The following PDE1A variants were observed in gnomAD, a reference collection of about 807,000 sequenced individuals.
PDE1A encodes the protein phosphodiesterase 1A, also known as dual specificity calcium/calmodulin-dependent 3',5'-cyclic nucleotide phosphodiesterase 1A.
Under a neutral mutation model 61.7 loss-of-function variants are expected in PDE1A, and 35 were observed. The observed-to-expected ratio is 0.57, with a 90% CI of 0.43 to 0.75. The LOEUF is 0.75. Ranked by LOEUF, PDE1A falls within the 30% of genes least tolerant of loss-of-function variation. The probability of loss-of-function intolerance (pLI) is 0.00; values close to 1 mark genes in which losing one functional copy is unlikely to be tolerated. For missense variants in PDE1A, 597 were observed against 630.6 expected, an observed-to-expected ratio of 0.95 and a Z score of 0.57; for synonymous variants, 232 against 213.2, an observed-to-expected ratio of 1.09 and a Z score of -0.77.
At chr2:182,563,041 G>A in the PDE1A span, among the ~76,000 whole-genome samples, 2 of 152,042 alleles carry the variant, frequency 1.3e-5, no homozygotes, top group Admixed American at 1.3e-4. Flanking sequence ...AGGGTTTTTT[G>A]TGTCTCTATT....
the PDE1A span, among the ~76,000 whole-genome samples, chr2:182,582,186 G>A: frequency 6.6e-6 from 1 of 152,146 alleles, no homozygotes; most frequent in Non-Finnish European, 1.5e-5. Context: ...AAAATGTCTG[G>A]TTAGATGGAT....
the PDE1A span, among the ~76,000 whole-genome samples, chr2:182,587,471 A>C: frequency 0.34 from 51,492 of 152,078 alleles, 9,188 homozygotes; most frequent in Middle Eastern, 0.43. Flanking sequence ...TTATCTCTAC[A>C]ATTTAAACTA....
At chr2:182,670,766 G>C in the PDE1A span, among the ~76,000 whole-genome samples, 1 of 152,150 alleles carries the variant, frequency 6.6e-6, no homozygotes, top group African/African-American at 2.4e-5. Flanking sequence ...TGTTGATGTG[G>C]AAGTTTTAAT....
intron 7 of PDE1A, among the ~76,000 whole-genome samples, chr2:182,218,332 G>C: frequency 6.6e-6 from 1 of 150,752 alleles, no homozygotes; most frequent in East Asian, 2.0e-4. Context: ...TGACGAGTTA[G>C]TGGGTGCAGT....
chr2:182,590,267 G>T, the PDE1A span, among the ~76,000 whole-genome samples: 96 of 152,250 alleles, frequency 6.3e-4, 1 homozygote, highest in African/African-American at 2.3e-3. Context: ...AGGAGTTCAA[G>T]ACTAGCCTGA....
At chr2:182,237,790 G>C (rs1690151766) in intron 3 of PDE1A, among the ~76,000 whole-genome samples, 1 of 152,172 alleles carries the variant, frequency 6.6e-6, no homozygotes, top group South Asian at 2.1e-4. Flanking sequence ...TTCTGACAGA[G>C]AAAATAACAG....
chr2:182,173,605 C>T (rs1559137138), intron 13 of PDE1A, among the ~76,000 whole-genome samples: 1 of 151,574 alleles, frequency 6.6e-6, no homozygotes, highest in Non-Finnish European at 1.5e-5. Flanking sequence ...AAATTACTAA[C>T]ATGATCTCAT....
At chr2:182,690,553 A>G in the PDE1A span, among the ~76,000 whole-genome samples, 1 of 152,200 alleles carries the variant, frequency 6.6e-6, no homozygotes, top group Non-Finnish European at 1.5e-5. Context: ...GCTATGTATG[A>G]CAAACCCACA....
intron 1 of PDE1A, among the ~76,000 whole-genome samples, chr2:182,325,165 G>C (rs906366952): frequency 6.6e-6 from 1 of 152,122 alleles, no homozygotes; most frequent in African/African-American, 2.4e-5. Context: ...TTAAAAATAG[G>C]AAGATATAAG....
intron 1 of PDE1A, among the ~76,000 whole-genome samples, chr2:182,315,303 C>G (rs567826412): frequency 6.6e-6 from 1 of 152,154 alleles, no homozygotes; most frequent in Non-Finnish European, 1.5e-5. Context: ...TTTATCCATT[C>G]ATTCTTCAAG....
intron 7 of PDE1A, among the ~76,000 whole-genome samples, chr2:182,209,354 A>G (rs780183141): frequency 3.9e-5 from 6 of 151,974 alleles, no homozygotes; most frequent in African/African-American, 7.2e-5. Context: ...CACCCCCATG[A>G]TTCAATTATC....
chr2:182,684,557 AT>A, the PDE1A span, among the ~76,000 whole-genome samples: 33 of 148,812 alleles, frequency 2.2e-4, no homozygotes, highest in South Asian at 8.5e-4. Context: ...AAAACATATA[AT>A]TTTTTTTTTT....
At chr2:182,640,846 C>T in the PDE1A span, among the ~76,000 whole-genome samples, 1 of 151,628 alleles carries the variant, frequency 6.6e-6, no homozygotes, top group Non-Finnish European at 1.5e-5. Flanking sequence ...ATAGTAAAAC[C>T]TCGTTTCTAC....
intron 7 of PDE1A, among the ~76,000 whole-genome samples, chr2:182,218,490 A>T (rs1688432575): frequency 6.6e-6 from 1 of 152,204 alleles, no homozygotes; most frequent in Admixed American, 6.5e-5. Flanking sequence ...ACATTGTACA[A>T]TAGATCTCTT....
chr2:182,658,793 C>A, the PDE1A span, among the ~76,000 whole-genome samples: 4 of 152,168 alleles, frequency 2.6e-5, no homozygotes, highest in African/African-American at 9.6e-5. Context: ...GGGCAAAATT[C>A]TTTTGGATAT....
intron 1 of PDE1A, among the ~76,000 whole-genome samples, chr2:182,293,437 A>AT (rs879323898): frequency 2.3e-4 from 35 of 152,062 alleles, no homozygotes; most frequent in East Asian, 1.2e-3. Flanking sequence ...AATGATCTAT[A>AT]TTTTTTTCCT....
At chr2:182,646,505 C>T in the PDE1A span, among the ~76,000 whole-genome samples, 1 of 151,206 alleles carries the variant, frequency 6.6e-6, no homozygotes, top group East Asian at 1.9e-4. Flanking sequence ...CTGGCCAACA[C>T]AGTGAAATCA....
intron 7 of PDE1A, among the ~76,000 whole-genome samples, chr2:182,210,307 T>G (rs1017979669): frequency 5.9e-5 from 9 of 152,166 alleles, no homozygotes; most frequent in African/African-American, 1.9e-4. Context: ...GCTTTTGGTG[T>G]TGTTAGTGTT....
intron 1 of PDE1A, among the ~76,000 whole-genome samples, chr2:182,363,577 G>A (rs1699639841): frequency 6.6e-6 from 1 of 152,006 alleles, no homozygotes; most frequent in South Asian, 2.1e-4. Flanking sequence ...TCCAGGCAGA[G>A]GGAGTAACAC....
Sources: allele counts gnomAD v4.1 joint callset (sites outside exome capture counted in the v4.1 genomes callset), GRCh38; gene constraint gnomAD v4.1.1; transcripts MANE v1.5; gene names NCBI Gene and HGNC (gene_info 2026-07-23, HGNC 2026-07-21).